PFAS: variants seen among roughly 807,000 people sequenced by gnomAD.
PFAS encodes the protein phosphoribosylformylglycinamidine synthase.
In PFAS, 97 loss-of-function variants were observed where a neutral mutation model predicts 140.6. The observed-to-expected ratio is 0.69, with a 90% CI of 0.59 to 0.82. PFAS has a LOEUF of 0.82. Ranked by LOEUF, PFAS falls within the 40% of genes least tolerant of loss-of-function variation. The pLI, the probability that PFAS is intolerant of heterozygous loss-of-function variation, is 0.00. For synonymous variants in PFAS, 679 were observed against 718.8 expected (o/e 0.94, Z 0.88); for missense variants, 1,656 against 1,780.2 (o/e 0.93, Z 1.26).
At chr17:8,251,194 G>A (rs940966993) in intron 1 of PFAS, among the ~76,000 whole-genome samples, 4 of 152,142 alleles carry the variant, frequency 2.6e-5, no homozygotes, top group Non-Finnish European at 4.4e-5. Context: ...ACCGAGGCAG[G>A]AGAATCGCGT....
intron 11 of PFAS, among the ~76,000 whole-genome samples, chr17:8,258,683 A>G (rs902853435): frequency 1.3e-5 from 2 of 152,066 alleles, no homozygotes; most frequent in African/African-American, 4.8e-5. Flanking sequence ...GCTACTAAAA[A>G]CACAAAAATT....
At position 8,254,192 on chromosome 17, in the gene PFAS, AC is replaced by A; in HGVS notation, c.170del (p.Thr57LysfsTer4). 1 of 1,614,020 alleles carries A rather than the reference AC, an allele frequency of 6.2e-7. No homozygotes were observed. Among genetic ancestry groups the A allele is most frequent in the Non-Finnish European group, 8.5e-7 (1 of 1,179,994 alleles). On this transcript the variant is annotated frameshift_variant, in exon 3 of 28. Transcript: ENST00000314666. LOFTEE classifies it high-confidence loss of function. ...TAEALPSAEE[T>X]KKLMWLFGCP... Reference sequence around the variant, plus strand: ...TGAGGCCCTCCCCAGTGCTGAGGAGACAAAGAAGCTGATGTGGCTGTTTGGT... The same window carrying A: ...TGAGGCCCTCCCCAGTGCTGAGGAGAAAAGAAGCTGATGTGGCTGTTTGGT...
chr17:8,257,679 C>T, intron 9 of PFAS, 128 bp from the exon 10 acceptor site: 1 of 960,514 alleles, frequency 1.0e-6, no homozygotes, highest in Non-Finnish European at 1.7e-6. Context: ...GCAGGACTTC[C>T]TGAAGTGGAA....
intron 4 of PFAS, 101 bp downstream of exon 4, chr17:8,255,233 C>A: frequency 1.1e-6 from 1 of 893,890 alleles, no homozygotes; most frequent in African/African-American, 1.6e-5. Flanking sequence ...GGCTTTAGGC[C>A]TGCTCTGTAT....
intron 1 of PFAS, among the ~76,000 whole-genome samples, chr17:8,249,718 C>T: frequency 6.6e-6 from 1 of 152,160 alleles, no homozygotes. Context: ...AATCAAGTGG[C>T]TTAATAAACA....
rs1376918715 is a variant in PFAS, at chr17:8,267,962, ATAT to A, written c.3382+302_3382+304del. Among the ~76,000 whole-genome samples the A allele has an allele frequency of 1.4e-5, 2 of 143,742 alleles. No homozygotes were observed. Among genetic ancestry groups the A allele is most frequent in the Admixed American group, 7.0e-5 (1 of 14,216 alleles). 94.3% of individuals were successfully genotyped at this position (143,742 alleles called of 152,430 possible). On this transcript the variant is annotated intron_variant, in intron 26 of 27. Coordinates refer to ENST00000314666, the MANE Select transcript of PFAS (RefSeq NM_012393.3). The surrounding 1 kb of genome is among the most constrained non-coding windows in gnomAD (Gnocchi z 4.9). ...TATTATTTATATATTATTAAAATATATATTATTTATATATATTATTTATATATT... is the reference window on the plus strand; with the variant it reads ...TATTATTTATATATTATTAAAATATATATTTATATATATTATTTATATATT...
intron 6 of PFAS, 48 bp from the exon 7 acceptor site, chr17:8,256,219 A>G: frequency 6.3e-7 from 1 of 1,593,964 alleles, no homozygotes; most frequent in Non-Finnish European, 8.6e-7. Flanking sequence ...GCATTAAGAA[A>G]TGACCCCGTT....
rs998358773 is a variant in PFAS at position 8,267,876 on chromosome 17, AAAATATATATTATT to A, written c.3382+226_3382+239del. 4.1e-5 allele frequency among the ~76,000 whole-genome samples: 6 copies of A among 146,636 alleles called. No individual in the cohort carries two copies. The highest frequency in any genetic ancestry group is 1.5e-4 in the African/African-American group (6 of 40,342). The stretch of plus-strand genomic sequence containing the variant: ...AGTATATATATACACATATGTAATT[AAAATATATATTATT>A]AAATATATATTATTTATATATATTA... On this transcript the variant is annotated intron_variant, in intron 26 of 27. Coordinates refer to ENST00000314666, the MANE Select transcript of PFAS (RefSeq NM_012393.3). The surrounding 1 kb of genome is among the most constrained non-coding windows in gnomAD (Gnocchi z 4.9).
intron 1 of PFAS, 61 bp from the exon 2 acceptor site, chr17:8,253,798 C>G: frequency 7.7e-7 from 1 of 1,296,448 alleles, no homozygotes; most frequent in Non-Finnish European, 1.0e-6. Context: ...CTCAGTCTCC[C>G]AAAGTGCTGG....
chr17:8,268,942 C>T lies in PFAS; in HGVS notation c.3707-12C>T, dbSNP rs752872853. ...GACCTTGGCTCTCACTTCCCTCCTC[C>T]TTCCATCCCAGGTTACGTAGCATTT... On this transcript the variant is annotated splice_polypyrimidine_tract_variant and intron_variant, in intron 27 of 27. Coordinates refer to ENST00000314666, the MANE Select transcript of PFAS (RefSeq NM_012393.3). 1 of 1,613,982 alleles carries T rather than the reference C, an allele frequency of 6.2e-7. No homozygotes were observed. Among genetic ancestry groups the T allele is most frequent in the South Asian group, 1.1e-5 (1 of 91,078 alleles).
rs887455535 is a variant in PFAS at position 8,266,646 on chromosome 17, C to T, written c.2822-107C>T. ...CCCTGATCCCTACCCTACTCTCTGG[C>T]TGCATCCCTCTGACCCTCACCCTGG... On this transcript the variant is annotated intron_variant, in intron 22 of 27. Coordinates refer to ENST00000314666, the MANE Select transcript of PFAS (RefSeq NM_012393.3). The surrounding 1 kb of genome is among the most constrained non-coding windows in gnomAD (Gnocchi z 5.0). The T allele has an allele frequency of 1.1e-5, 17 of 1,510,606 alleles. No individual in the cohort carries two copies. In the Admixed American group the frequency reaches 3.1e-4, roughly 27 times the overall value. The allele number at this position is 1,510,606 out of a possible 1,614,324, so 93.6% of individuals were successfully genotyped here.
rs1424707378 is a variant in PFAS at position 8,270,375 on chromosome 17, G to A, written c.*1111G>A. ...TAGCTGTGTATAACACTTAGCTCAA[G>A]CCACGCATGTGTGAGGCATTTGGTA... On this transcript the variant is annotated 3_prime_UTR_variant, in exon 28 of 28. Coordinates refer to ENST00000314666, the MANE Select transcript of PFAS (RefSeq NM_012393.3). 3.9e-5 allele frequency: 6 copies of A among 152,226 alleles called. No individual in the cohort carries two copies. The highest frequency in any genetic ancestry group is 8.8e-5 in the Non-Finnish European group (6 of 68,044). The allele number at this position is 152,226 out of a possible 1,614,324, so 9.4% of individuals were successfully genotyped here.
At chr17:8,265,186 T>C in intron 18 of PFAS, 61 bp downstream of exon 18, 1 of 1,560,860 alleles carries the variant, frequency 6.4e-7, no homozygotes, top group Non-Finnish European at 8.8e-7. Context: ...TCCACATCCA[T>C]CTGTAGCCCT....
At chr17:8,248,410 A>ATTTTTTTTTTTTTTTTTTTT (rs35534210), upstream of PFAS, among the ~76,000 whole-genome samples, 96 of 67,630 alleles carry the variant, frequency 1.4e-3, no homozygotes, top group African/African-American at 2.1e-3. Flanking sequence ...CGCCCGGCTA[A>ATTTTTTTTTTTTTTTTTTTT]TTTTTTTTTT....
intron 13 of PFAS, 103 bp from the exon 14 acceptor site, chr17:8,263,472 C>A: frequency 9.0e-7 from 1 of 1,116,914 alleles, no homozygotes; most frequent in Non-Finnish European, 1.4e-6. Flanking sequence ...CAGCAGTTGA[C>A]ACAGGAACAC....
At position 8,264,905 on chromosome 17, in the gene PFAS, C is replaced by T. The variant is rs765947776; in HGVS notation, c.2060C>T (p.Ser687Phe). The change falls in exon 18 of 28, where the codon TCT becomes TTT. Residue 687 changes from serine to phenylalanine, a missense_variant. Ser to Phe is a radical substitution (Grantham distance 155). Around this residue, in one of 2 missense-constraint regions of PFAS, gnomAD observed 883 missense variants for 1,023.0 expected, o/e 0.86. Coordinates refer to ENST00000314666, the MANE Select transcript of PFAS (RefSeq NM_012393.3). The part of the protein sequence containing the change: ...KRYLTNKVDR[S>F]VGGLVAQQQC... The stretch of plus-strand genomic sequence containing the variant: ...CACCTGGTTCCACAGGTGGACCGCT[C>T]TGTGGGAGGCCTGGTGGCCCAGCAG... The T allele has an allele frequency of 1.3e-6, 2 of 1,585,228 alleles. No homozygotes were observed. The highest frequency in any genetic ancestry group is 3.5e-5 in the Admixed American group (2 of 56,746).
upstream of PFAS, among the ~76,000 whole-genome samples, chr17:8,248,663 T>A (rs1245737458): frequency 2.6e-5 from 4 of 151,818 alleles, no homozygotes; most frequent in East Asian, 7.7e-4. Flanking sequence ...GCTCAAGCGA[T>A]CCTCCCACCT....
intron 1 of PFAS, among the ~76,000 whole-genome samples, chr17:8,253,576 G>A (rs1050020105): frequency 2.0e-5 from 3 of 152,108 alleles, no homozygotes; most frequent in Admixed American, 6.6e-5. Flanking sequence ...TTTTGCTCTT[G>A]TTGCCCAGGC....
chr17:8,251,144 G>T (rs944691894), intron 1 of PFAS, among the ~76,000 whole-genome samples: 1 of 152,080 alleles, frequency 6.6e-6, no homozygotes, highest in Non-Finnish European at 1.5e-5. Flanking sequence ...AAATTAGCTG[G>T]TCATGGTGGT....
Sources: gnomAD v4.1 joint callset for allele counts (sites outside exome capture counted in the v4.1 genomes callset) on GRCh38, gnomAD v4.1.1 for gene constraint, gnomAD v4.1.1 regional missense constraint, Gnocchi (gnomAD v3.1) non-coding constraint, MANE v1.5 for transcripts, NCBI Gene and HGNC (gene_info 2026-07-23, HGNC 2026-07-21) for gene names.